Variants in ARNT2 observed in about 807,000 individuals in gnomAD.
ARNT2 encodes ARNT protein 2.
In ARNT2, 36 loss-of-function variants were observed where a neutral mutation model predicts 91.7. The ratio of observed to expected loss-of-function variants is 0.39; its 90% CI spans 0.30 to 0.52. The LOEUF (loss-of-function observed/expected upper bound fraction) is 0.52, where lower values mean the gene tolerates loss of function less well. Among genes scored for constraint, ARNT2 ranks in the 20% least tolerant of loss-of-function variants. The pLI is 0.72. For synonymous variants in ARNT2, 365 were observed against 347.1 expected, an observed-to-expected ratio of 1.05 and a Z score of -0.57; for missense variants, 775 against 939.3, an observed-to-expected ratio of 0.83 and a Z score of 2.29.
intron 8 of ARNT2, among the ~76,000 whole-genome samples, chr15:80,517,884 A>G (rs1897466029): frequency 6.6e-6 from 1 of 151,976 alleles, no homozygotes; most frequent in African/African-American, 2.4e-5. Context: ...GCTTTTTATT[A>G]TCCATCTGTT....
intron 5 of ARNT2, among the ~76,000 whole-genome samples, chr15:80,490,982 T>A (rs1774166204): frequency 6.6e-6 from 1 of 150,546 alleles, no homozygotes; most frequent in African/African-American, 2.5e-5. Context: ...GTGGGGAGAG[T>A]GGAGCAGGGA....
chr15:80,517,505 T>G (rs74027810), intron 8 of ARNT2, among the ~76,000 whole-genome samples: 2,663 of 152,270 alleles, frequency 0.017, 81 homozygotes, highest in African/African-American at 0.061. Flanking sequence ...CTCATTAACT[T>G]TGGACATTTT....
At chr15:80,492,616 G>T (rs1001388511) in intron 5 of ARNT2, among the ~76,000 whole-genome samples, 2 of 152,094 alleles carry the variant, frequency 1.3e-5, no homozygotes, top group African/African-American at 4.8e-5. Flanking sequence ...GTGATGGATT[G>T]CCTGACTCTC....
chr15:80,499,814 G>A (rs149092369), intron 5 of ARNT2, among the ~76,000 whole-genome samples: 5 of 152,318 alleles, frequency 3.3e-5, no homozygotes, highest in South Asian at 2.1e-4. Context: ...TAAGAAGATG[G>A]CAGCTCTTTT....
At chr15:80,469,045 C>G (rs1896697406) in intron 3 of ARNT2, among the ~76,000 whole-genome samples, 1 of 152,096 alleles carries the variant, frequency 6.6e-6, no homozygotes, top group Non-Finnish European at 1.5e-5. Flanking sequence ...TTTTTCTTGC[C>G]CTTAGTGTCA....
At chr15:80,590,467 G>T (rs747428348) in intron 17 of ARNT2, among the ~76,000 whole-genome samples, 1 of 152,128 alleles carries the variant, frequency 6.6e-6, no homozygotes, top group Non-Finnish European at 1.5e-5. Context: ...TACTGGATAG[G>T]CACAGTGGCT....
rs780941795 is a variant in ARNT2 at position 80,597,399 on chromosome 15, C to T, written c.*3701C>T. On this transcript the variant is annotated 3_prime_UTR_variant, in exon 19 of 19. Coordinates refer to ENST00000303329, the MANE Select transcript of ARNT2 (RefSeq NM_014862.4). ...CAGAAAATATGGGCTTGGCCTAAGT[C>T]GCTGTCTCCTAACCTGCCGGGGTCA... 57 of 445,426 alleles carry T rather than the reference C, an allele frequency of 1.3e-4. No homozygotes were observed. Among genetic ancestry groups the T allele is most frequent in the African/African-American group, 2.4e-4 (12 of 49,830 alleles). 27.6% of individuals were successfully genotyped at this position (445,426 alleles called of 1,614,324 possible). A position where few individuals can be genotyped will look rare whatever the true frequency, so the allele number is the denominator to read the frequency against.
intron 5 of ARNT2, among the ~76,000 whole-genome samples, chr15:80,487,070 G>T (rs1388892023): frequency 6.6e-6 from 1 of 152,174 alleles, no homozygotes; most frequent in Non-Finnish European, 1.5e-5. Flanking sequence ...ACACCTCCCT[G>T]ATATGGCAGG....
intron 1 of ARNT2, among the ~76,000 whole-genome samples, chr15:80,415,658 G>T (rs910786045): frequency 6.6e-6 from 1 of 152,328 alleles, no homozygotes; most frequent in East Asian, 1.9e-4. Context: ...CGTAACATTG[G>T]ATGTGGACAG....
chr15:80,529,048 T>G (rs114710103), intron 8 of ARNT2, among the ~76,000 whole-genome samples: 371 of 152,334 alleles, frequency 2.4e-3, no homozygotes, highest in African/African-American at 8.4e-3. Flanking sequence ...CATTGTTTTA[T>G]TCTATTTTAT....
At chr15:80,545,333 A>G (rs1438100970) in intron 8 of ARNT2, among the ~76,000 whole-genome samples, 2 of 152,214 alleles carry the variant, frequency 1.3e-5, no homozygotes, top group African/African-American at 4.8e-5. Context: ...CCTGAGGGGC[A>G]AGAAACTGGA....
Position 80,404,527 on chromosome 15 carries a change from G to C in ARNT2, c.12G>C (p.Pro4=). 1 of 1,221,070 alleles carries C rather than the reference G, an allele frequency of 8.2e-7. No individual in the cohort carries two copies. Among genetic ancestry groups the C allele is most frequent in the Non-Finnish European group, 1.0e-6 (1 of 962,002 alleles). The allele number at this position is 1,221,070 out of a possible 1,614,324, so 75.6% of individuals were successfully genotyped here. MAT[P]AAVNPPEMAS... Reference sequence around the variant, plus strand: ...CCTCTCCGAGCAAGATGGCAACCCCGGCGGCGGTCAACCCTCCGGGTGAGT... The same window carrying C: ...CCTCTCCGAGCAAGATGGCAACCCCCGCGGCGGTCAACCCTCCGGGTGAGT... Residue 4 remains proline, a synonymous_variant, in exon 1 of 19, where the codon CCG becomes CCC. Coordinates refer to ENST00000303329, the MANE Select transcript of ARNT2 (RefSeq NM_014862.4). The surrounding 1 kb of genome is among the most constrained non-coding windows in gnomAD (Gnocchi z 5.5).
rs371059818 is a variant in ARNT2 at position 80,575,125 on chromosome 15, G to A, written c.1513+15G>A. 6.2e-7 allele frequency: 1 copy of A among 1,612,832 alleles called. No individual in the cohort carries two copies. The highest frequency in any genetic ancestry group is 8.5e-7 in the Non-Finnish European group (1 of 1,178,928). ...AATTAGTGCATGTAAGTTTCCAAATGGTACTGAGGTTTTGAGAGTGTGGGT... is the reference window on the plus strand; with the variant it reads ...AATTAGTGCATGTAAGTTTCCAAATAGTACTGAGGTTTTGAGAGTGTGGGT... On this transcript the variant is annotated intron_variant, in intron 14 of 18. Transcript: ENST00000303329.
At chr15:80,448,846 A>T (rs559788974) in intron 1 of ARNT2, among the ~76,000 whole-genome samples, 6 of 152,226 alleles carry the variant, frequency 3.9e-5, no homozygotes, top group African/African-American at 1.2e-4. Flanking sequence ...TTAGCCGGGC[A>T]TGGTGGCGGG....
chr15:80,441,488 C>T, intron 1 of ARNT2: 2 of 738,882 alleles, frequency 2.7e-6, no homozygotes, highest in Non-Finnish European at 3.3e-6. Flanking sequence ...ACCCCCCTCC[C>T]AGCCATGGAA....
intron 5 of ARNT2, among the ~76,000 whole-genome samples, chr15:80,503,833 A>T (rs1017285488): frequency 5.3e-5 from 8 of 152,178 alleles, no homozygotes; most frequent in African/African-American, 1.9e-4. Flanking sequence ...CTGCTTAAAG[A>T]TGTACGTACC....
At chr15:80,588,450 A>G (rs920473499) in intron 17 of ARNT2, among the ~76,000 whole-genome samples, 1 of 151,556 alleles carries the variant, frequency 6.6e-6, no homozygotes, top group South Asian at 2.1e-4. Flanking sequence ...CCACCCATGG[A>G]CCATACACAT....
intron 8 of ARNT2, among the ~76,000 whole-genome samples, chr15:80,526,155 G>T (rs186426986): frequency 2.9e-4 from 44 of 152,320 alleles, no homozygotes; most frequent in African/African-American, 1.0e-3. Flanking sequence ...CTGTTACACA[G>T]TGGCCTTCTT....
chr15:80,577,793 C>G (rs142647190), intron 15 of ARNT2, among the ~76,000 whole-genome samples: 3,129 of 152,340 alleles, frequency 0.021, 40 homozygotes, highest in Middle Eastern at 0.034. Flanking sequence ...CACACTGGTT[C>G]AAGGACAGAC....
Sources: allele counts gnomAD v4.1 joint callset (sites outside exome capture counted in the v4.1 genomes callset), GRCh38; gene constraint gnomAD v4.1.1; non-coding constraint Gnocchi (gnomAD v3.1); transcripts MANE v1.5; gene names NCBI Gene and HGNC (gene_info 2026-07-23, HGNC 2026-07-21).